ADGRF3: variants seen among roughly 807,000 people sequenced by gnomAD.
ADGRF3 encodes adhesion G protein-coupled receptor F3, also known as G protein-coupled receptor 113.
A neutral mutation model predicts 93.2 loss-of-function variants in ADGRF3; 85 were observed. The observed-to-expected ratio is 0.91, with a 90% CI of 0.77 to 1.09. The LOEUF is 1.09. Among genes scored for constraint, ADGRF3 ranks in the 50% least tolerant of loss-of-function variants. The probability of loss-of-function intolerance (pLI) is 0.00; values close to 1 mark genes in which losing one functional copy is unlikely to be tolerated. For synonymous variants in ADGRF3, 534 were observed against 532.5 expected, an observed-to-expected ratio of 1.00 and a Z score of -0.04; for missense variants, 1,125 against 1,246.2, an observed-to-expected ratio of 0.90 and a Z score of 1.46.
rs752261145 is a variant in ADGRF3 at position 26,310,083 on chromosome 2, C to T, written c.2897G>A (p.Arg966His). The stretch of plus-strand genomic sequence containing the variant: ...GCTGGGGGCTTGGGCGCGGCAGAAG[C>T]GTTTGCGCAAAGCTTCTTGTATCTG... ...DRKIQEALRK[R>H]FCRAQAPSST... Residue 966 changes from arginine to histidine, a missense_variant, in exon 12 of 14, where the codon CGC becomes CAC. Arg to His is a conservative substitution (Grantham distance 29, BLOSUM62 0). Transcript: ENST00000651242. The T allele has an allele frequency of 6.8e-6, 11 of 1,613,912 alleles. No homozygotes were observed. Among genetic ancestry groups the T allele is most frequent in the African/African-American group, 2.7e-5 (2 of 74,940 alleles).
At chr2:26,337,097 G>T (rs1676099817) in intron 1 of ADGRF3, among the ~76,000 whole-genome samples, 1 of 152,234 alleles carries the variant, frequency 6.6e-6, no homozygotes, top group African/African-American at 2.4e-5. Context: ...TTTAGCGACA[G>T]CAGCTAATCT....
intron 1 of ADGRF3, among the ~76,000 whole-genome samples, chr2:26,338,624 G>A (rs545278375): frequency 1.3e-5 from 2 of 152,140 alleles, no homozygotes; most frequent in East Asian, 1.9e-4. Flanking sequence ...CACCACGCCC[G>A]GCTAATTTTG....
chr2:26,310,221 A>G lies in ADGRF3; in HGVS notation c.2849T>C (p.Leu950Ser), dbSNP rs373384286. The change falls in exon 11 of 14, where the codon TTG becomes TCG. Residue 950 changes from leucine (L) to serine (S), a missense_variant. Leu to Ser is a moderately radical substitution (Grantham distance 145). Coordinates refer to ENST00000651242, the MANE Select transcript of ADGRF3 (RefSeq NM_001321971.2). ...CTTCCTGTCCATGAGGCAACCAAAC[A>G]ATAGGATGAAGACGCCCTGAGAAGA... is the stretch of plus-strand genomic sequence containing the variant. ...LNTLQGVFIL[L>S]FGCLMDRKIQ... 6.2e-7 allele frequency: 1 copy of G among 1,613,916 alleles called. No individual in the cohort carries two copies. Among genetic ancestry groups the G allele is most frequent in the African/African-American group, 1.3e-5 (1 of 74,926 alleles).
chr2:26,332,884 A>G (rs10164981), intron 1 of ADGRF3, among the ~76,000 whole-genome samples: 125,271 of 152,110 alleles, frequency 0.82, 52,761 homozygotes, highest in Middle Eastern at 0.89. Context: ...CCCAAAGTGC[A>G]GGGATTATAG....
Position 26,316,973 on chromosome 2 carries a change from G to T in ADGRF3, c.264C>A (p.Leu88=). ...WPPELSRTLT[L]PAASASSSPR... is the part of the protein sequence containing the mutation. Reference sequence around the variant, plus strand: ...GGGAAGAGGAAGCTGAGGCAGCAGGGAGAGTCAGTGTCCTGGAGAGTTCAG... The same window carrying T: ...GGGAAGAGGAAGCTGAGGCAGCAGGTAGAGTCAGTGTCCTGGAGAGTTCAG... Residue 88 remains leucine (L), a synonymous_variant, in exon 3 of 14, where the codon CTC becomes CTA. Coordinates refer to ENST00000651242, the MANE Select transcript of ADGRF3 (RefSeq NM_001321971.2). 1 of 1,613,268 alleles carries T rather than the reference G, an allele frequency of 6.2e-7. No homozygotes were observed. The highest frequency in any genetic ancestry group is 1.1e-5 in the South Asian group (1 of 90,998).
At chr2:26,345,351 A>G (rs181557008) in intron 1 of ADGRF3, among the ~76,000 whole-genome samples, 1 of 152,262 alleles carries the variant, frequency 6.6e-6, no homozygotes. Flanking sequence ...ACCTCTTGCA[A>G]ACGCATTTAA....
chr2:26,346,038 T>A, intron 1 of ADGRF3, 83 bp downstream of exon 1: 1 of 1,389,966 alleles, frequency 7.2e-7, no homozygotes, highest in Non-Finnish European at 9.7e-7. Context: ...GGGAGAAGCG[T>A]GGGCTGCGCT....
chr2:26,316,566 A>C, intron 3 of ADGRF3, 118 bp from the exon 4 acceptor site: 1 of 1,046,996 alleles, frequency 9.6e-7, no homozygotes, highest in Non-Finnish European at 1.4e-6. Flanking sequence ...CCAATCCCCA[A>C]GCTACAGGTG....
intron 1 of ADGRF3, among the ~76,000 whole-genome samples, chr2:26,325,798 C>A (rs1675402892): frequency 6.6e-6 from 1 of 152,116 alleles, no homozygotes; most frequent in Non-Finnish European, 1.5e-5. Flanking sequence ...ACTTAAGTAT[C>A]TGTTAGGTAC....
rs758770035 is a variant in ADGRF3 at position 26,311,599 on chromosome 2, T to A, written c.1925A>T (p.Asp642Val). The A allele has an allele frequency of 2.5e-6, 4 of 1,613,654 alleles. No individual in the cohort carries two copies. The highest frequency in any genetic ancestry group is 3.4e-6 in the Non-Finnish European group (4 of 1,179,896). ...CCAGAAGACACAGTGAGGGGAACCA[T>A]CTGTGTTCCCAAAGTCCATGATGAC... ...GEVIMDFGNT[D>V]GSPHCVFWDH... Residue 642 changes from aspartate (D) to valine (V), a missense_variant, in exon 10 of 14, where the codon GAT becomes GTT. Coordinates refer to ENST00000651242, the MANE Select transcript of ADGRF3 (RefSeq NM_001321971.2).
chr2:26,320,553 T>G (rs1045488306), intron 1 of ADGRF3, among the ~76,000 whole-genome samples: 2 of 152,202 alleles, frequency 1.3e-5, no homozygotes, highest in Admixed American at 1.3e-4. Flanking sequence ...CCTCCAACTT[T>G]ACGCATCAGA....
rs1674157653 is a variant in ADGRF3 at position 26,311,732 on chromosome 2, G to C, written c.1792C>G (p.Leu598Val). 1.2e-6 allele frequency: 2 copies of C among 1,613,420 alleles called. No homozygotes were observed. The highest frequency in any genetic ancestry group is 1.7e-6 in the Non-Finnish European group (2 of 1,179,712). Residue 598 changes from leucine to valine, a missense_variant, in exon 10 of 14, where the codon CTG (leucine) becomes GTG (valine). Leu to Val is a conservative substitution (Grantham distance 32). Coordinates refer to ENST00000651242, the MANE Select transcript of ADGRF3 (RefSeq NM_001321971.2). ...SLVLRKLDHL[L>V]PSNYGQGLGD... The stretch of plus-strand genomic sequence containing the variant: ...AGCCCTTGTCCATAGTTTGAGGGCA[G>C]AAGGTGGTCCAGTTTTCGCAGCACC...
chr2:26,309,468 G>A, intron 13 of ADGRF3, 58 bp downstream of exon 13: 1 of 1,584,002 alleles, frequency 6.3e-7, no homozygotes, highest in South Asian at 1.2e-5. Flanking sequence ...GAGGCCCTTT[G>A]CCACACCGTC....
intron 13 of ADGRF3, 164 bp downstream of exon 13, chr2:26,309,362 G>A (rs1673830007): frequency 6.7e-7 from 1 of 1,485,290 alleles, no homozygotes; most frequent in South Asian, 1.4e-5. Flanking sequence ...CCGTCTCCCA[G>A]CCATCTAGCA....
At chr2:26,338,451 T>C (rs1384045588) in intron 1 of ADGRF3, among the ~76,000 whole-genome samples, 1 of 152,134 alleles carries the variant, frequency 6.6e-6, no homozygotes, top group African/African-American at 2.4e-5. Flanking sequence ...GGGGACCATG[T>C]CTTATTCAAC....
intron 8 of ADGRF3, 96 bp from the exon 9 acceptor site, chr2:26,313,218 C>A: frequency 6.7e-7 from 1 of 1,482,792 alleles, no homozygotes; most frequent in East Asian, 2.3e-5. Flanking sequence ...CCCCCAGAAG[C>A]CCTCTCACTC....
intron 1 of ADGRF3, among the ~76,000 whole-genome samples, chr2:26,321,725 A>G (rs369294443): frequency 2.0e-5 from 3 of 152,108 alleles, no homozygotes; most frequent in African/African-American, 7.2e-5. Context: ...TAATCCCAGC[A>G]CTTTGGGAGG....
At position 26,346,496 on chromosome 2, in the gene ADGRF3, C is replaced by G. The variant is rs912303878; in HGVS notation, c.-262G>C. 11 of 530,626 alleles carry G rather than the reference C, an allele frequency of 2.1e-5. No individual in the cohort carries two copies. Among genetic ancestry groups the G allele is most frequent in the African/African-American group, 2.0e-4 (10 of 49,230 alleles). The allele number at this position is 530,626 out of a possible 1,614,324, so 32.9% of individuals were successfully genotyped here. ...GCCCGCCGCCCGTAGTCGGCACCCCCCGGGAGATTTCCTTTTCCTTAGGAG... is the reference window on the plus strand; with the variant it reads ...GCCCGCCGCCCGTAGTCGGCACCCCGCGGGAGATTTCCTTTTCCTTAGGAG... On this transcript the variant is annotated 5_prime_UTR_variant, in exon 1 of 14. Transcript: ENST00000651242.
In ADGRF3 at chr2:26,313,412, C is replaced by A; in HGVS notation, c.1234G>T (p.Asp412Tyr). ...GTGAACAAGGCCAGGAGCCTCGCAT[C>A]TGTGCAGCTGCTGTGGACCGGCCCC... ...VWGPVHSSCTDARLLALFTRT... is the reference protein window; with the variant it reads ...VWGPVHSSCTYARLLALFTRT... The change falls in exon 8 of 14, where the codon GAT (aspartate) becomes TAT (tyrosine). Residue 412 changes from aspartate (D) to tyrosine (Y), a missense_variant. Transcript: ENST00000651242. 2.5e-6 allele frequency: 4 copies of A among 1,606,568 alleles called. No homozygotes were observed. The highest frequency in any genetic ancestry group is 3.4e-6 in the Non-Finnish European group (4 of 1,176,876).
Sources: gnomAD v4.1 joint callset for allele counts (sites outside exome capture counted in the v4.1 genomes callset) on GRCh38, gnomAD v4.1.1 for gene constraint, MANE v1.5 for transcripts, NCBI Gene and HGNC (gene_info 2026-07-23, HGNC 2026-07-21) for gene names.